Variants in VAX1 observed in about 807,000 individuals in gnomAD.
VAX1 encodes ventral anterior homeobox 1.
Under a neutral mutation model 17.6 loss-of-function variants are expected in VAX1, and 6 were observed. That is an observed-to-expected ratio of 0.34 (90% CI 0.19 to 0.67). VAX1 has a LOEUF of 0.67. VAX1 is among the 30% of genes least tolerant of loss of function. The pLI, the probability that VAX1 is intolerant of heterozygous loss-of-function variation, is 0.69. For missense variants in VAX1, 408 were observed against 463.7 expected, an observed-to-expected ratio of 0.88 and a Z score of 1.10; for synonymous variants, 256 against 227.4, an observed-to-expected ratio of 1.13 and a Z score of -1.13.
chr10:117,131,588 G>T (rs1854085322), downstream of VAX1: 1 of 152,402 alleles, frequency 6.6e-6, no homozygotes, highest in African/African-American at 2.4e-5. Context: ...GCGGGTCCCT[G>T]CAACACCCAG....
Position 117,133,901 on chromosome 10 carries a change from T to A in VAX1, c.*107A>T, listed in dbSNP as rs1854126399. 2 of 1,413,384 alleles carry A rather than the reference T, an allele frequency of 1.4e-6. No homozygotes were observed. The highest frequency in any genetic ancestry group is 1.8e-6 in the Non-Finnish European group (2 of 1,090,568). 87.6% of individuals were successfully genotyped at this position (1,413,384 alleles called of 1,614,324 possible). On this transcript the variant is annotated 3_prime_UTR_variant, in exon 3 of 3. Transcript: ENST00000369206. Reference sequence around the variant, plus strand: ...GAAAGGAGAGCTGTCAGAGGCCTGGTGGGAGCCAGGAGCCCAGCGCAGGAG... The same window carrying A: ...GAAAGGAGAGCTGTCAGAGGCCTGGAGGGAGCCAGGAGCCCAGCGCAGGAG...
chr10:117,134,110 C>T lies in VAX1; in HGVS notation c.903G>A (p.Gly301=), dbSNP rs926687988. Residue 301 remains glycine, a synonymous_variant, in exon 3 of 3, where the codon GGG becomes GGA. Coordinates refer to ENST00000369206, the MANE Select transcript of VAX1 (RefSeq NM_001112704.2). The surrounding 1 kb of genome is among the most constrained non-coding windows in gnomAD (Gnocchi z 6.2). ...APLTMAGSLA[G]NLQELSARYL... is the part of the protein sequence containing the mutation. ...ATCGGGCGGAGAGTTCTTGCAAATT[C>T]CCAGCTAGCGAACCAGCCATTGTTA... 1.3e-6 allele frequency: 2 copies of T among 1,536,784 alleles called. No individual in the cohort carries two copies. The highest frequency in any genetic ancestry group is 1.8e-6 in the Non-Finnish European group (2 of 1,140,692).
At chr10:117,132,313 A>G, downstream of VAX1, 1 of 1,613,960 alleles carries the variant, frequency 6.2e-7, no homozygotes, top group South Asian at 1.1e-5. This position sits in a 1 kb window ranked among gnomAD's most constrained non-coding sequence, Gnocchi z 4.9. Flanking sequence ...CTTCAAATAT[A>G]AGACAAAAAT....
chr10:117,133,552 T>C lies in VAX1; in HGVS notation c.*456A>G. ...AGGAAGGAACGTCCTCCTTTTTTGG[T>C]CTAAAGAAACCTGGAAGCCCCTGGG... On this transcript the variant is annotated 3_prime_UTR_variant, in exon 3 of 3. Transcript: ENST00000369206. 1.0e-6 allele frequency: 1 copy of C among 985,752 alleles called. No homozygotes were observed. The highest frequency in any genetic ancestry group is 1.2e-6 in the Non-Finnish European group (1 of 830,198). 61.1% of individuals were successfully genotyped at this position (985,752 alleles called of 1,614,324 possible).
chr10:117,134,460 C>T lies in VAX1; in HGVS notation c.553G>A (p.Gly185Ser). 6.6e-7 allele frequency: 1 copy of T among 1,516,876 alleles called. No homozygotes were observed. 94.0% of individuals were successfully genotyped at this position (1,516,876 alleles called of 1,614,324 possible). The change falls in exon 3 of 3, where the codon GGC becomes AGC. Residue 185 changes from glycine (G) to serine (S), a missense_variant. This residue lies in a region of VAX1 where 196 missense variants were observed against 218.7 expected (regional missense o/e 0.90). Transcript: ENST00000369206. The surrounding 1 kb of genome is among the most constrained non-coding windows in gnomAD (Gnocchi z 6.2). ...TCSVLRLLEQ[G>S]RLLSPPGLPA... ...AGGCCGGGCGGCGACAACAGGCGGCCCTGCTCCAGCAGCCGTAGCACGCTG... is the reference window on the plus strand; with the variant it reads ...AGGCCGGGCGGCGACAACAGGCGGCTCTGCTCCAGCAGCCGTAGCACGCTG...
At chr10:117,132,596 G>T (rs1319112126), downstream of VAX1, 3 of 1,188,020 alleles carry the variant, frequency 2.5e-6, no homozygotes, top group East Asian at 7.5e-5. The surrounding 1 kb of genome is among the most constrained non-coding windows in gnomAD (Gnocchi z 4.9). Context: ...ATACATTCTA[G>T]ACACTGCGGC....
In VAX1 at chr10:117,134,751, C is replaced by A. The variant is rs1298363092; in HGVS notation, c.430-168G>T. Among the ~76,000 whole-genome samples, 1 of 152,046 alleles carries A rather than the reference C, an allele frequency of 6.6e-6. No homozygotes were observed. The highest frequency in any genetic ancestry group is 2.4e-5 in the African/African-American group (1 of 41,430). On this transcript the variant is annotated intron_variant, in intron 2 of 2. Transcript: ENST00000369206. The surrounding 1 kb of genome is among the most constrained non-coding windows in gnomAD (Gnocchi z 6.2). Reference sequence around the variant, plus strand: ...CCGGGCCGGGGCGCTGCTGGGGGAGCTGGCGCCGCCACGAGGGGGACACAG... The same window carrying A: ...CCGGGCCGGGGCGCTGCTGGGGGAGATGGCGCCGCCACGAGGGGGACACAG...
Position 117,133,974 on chromosome 10 carries a change from T to C in VAX1, c.*34A>G. 4 of 1,487,662 alleles carry C rather than the reference T, an allele frequency of 2.7e-6. No homozygotes were observed. Among genetic ancestry groups the C allele is most frequent in the Non-Finnish European group, 3.6e-6 (4 of 1,123,264 alleles). The allele number at this position is 1,487,662 out of a possible 1,614,324, so 92.2% of individuals were successfully genotyped here. The stretch of plus-strand genomic sequence containing the variant: ...AGTCCATAAATATCACCACAATAGA[T>C]ACTATAAATATAAATACAGGGAAAC... On this transcript the variant is annotated 3_prime_UTR_variant, in exon 3 of 3. Transcript: ENST00000369206.
downstream of VAX1, chr10:117,132,284 CTTCTT>C (rs866858867): frequency 2.5e-6 from 4 of 1,613,926 alleles, no homozygotes; most frequent in African/African-American, 5.3e-5. This position sits in a 1 kb window ranked among gnomAD's most constrained non-coding sequence, Gnocchi z 4.9. Flanking sequence ...TCTTCCTTTT[CTTCTT>C]TTGTTTTTTT....
Position 117,133,505 on chromosome 10 carries a change from A to C in VAX1, c.*503T>G. ...CAAAGCGGGGCCCAGGGGCTCCCAC[A>C]AGCCCTGGTTTCCCTGGCAAGAGGA... On this transcript the variant is annotated 3_prime_UTR_variant, in exon 3 of 3. Coordinates refer to ENST00000369206, the MANE Select transcript of VAX1 (RefSeq NM_001112704.2). The C allele has an allele frequency of 1.0e-6, 1 of 985,588 alleles. No individual in the cohort carries two copies. The highest frequency in any genetic ancestry group is 1.2e-6 in the Non-Finnish European group (1 of 830,086). 61.1% of individuals were successfully genotyped at this position (985,588 alleles called of 1,614,324 possible).
Position 117,137,893 on chromosome 10 carries a change from C to G in VAX1, c.164G>C (p.Gly55Ala). The change falls in exon 1 of 3, where the codon GGC becomes GCC. Residue 55 changes from glycine to alanine, a missense_variant. Gly to Ala is a moderately conservative substitution (Grantham distance 60). Coordinates refer to ENST00000369206, the MANE Select transcript of VAX1 (RefSeq NM_001112704.2). This position sits in a 1 kb window ranked among gnomAD's most constrained non-coding sequence, Gnocchi z 7.4. ...ACTTTTGTTACAATCCTCAGCAGCG[C>G]CCGACGCTGAGAAGGCGCCCTGCGG... The part of the protein sequence containing the change: ...KEPQGAFSAS[G>A]AAEDCNKSKS... 1 of 1,613,860 alleles carries G rather than the reference C, an allele frequency of 6.2e-7. No homozygotes were observed. Among genetic ancestry groups the G allele is most frequent in the South Asian group, 1.1e-5 (1 of 91,084 alleles).
Position 117,133,804 on chromosome 10 carries a change from G to T in VAX1, c.*204C>A. The T allele has an allele frequency of 7.6e-7, 1 of 1,322,938 alleles. No individual in the cohort carries two copies. The highest frequency in any genetic ancestry group is 2.1e-5 in the South Asian group (1 of 47,952). The allele number at this position is 1,322,938 out of a possible 1,614,324, so 81.9% of individuals were successfully genotyped here. A position where few individuals can be genotyped will look rare whatever the true frequency, so the allele number is the denominator to read the frequency against. Reference sequence around the variant, plus strand: ...CAGAAGGAAGTTGGGGGTTGGGGAGGAATCTCAGAGGAAAGGTAGTAGAAA... The same window carrying T: ...CAGAAGGAAGTTGGGGGTTGGGGAGTAATCTCAGAGGAAAGGTAGTAGAAA... On this transcript the variant is annotated 3_prime_UTR_variant, in exon 3 of 3. Coordinates refer to ENST00000369206, the MANE Select transcript of VAX1 (RefSeq NM_001112704.2).
Position 117,133,574 on chromosome 10 carries a change from T to TG in VAX1, c.*433dup. On this transcript the variant is annotated 3_prime_UTR_variant, in exon 3 of 3. Transcript: ENST00000369206. ...TGGTCTAAAGAAACCTGGAAGCCCC[T>TG]GGGGTCTGCGCGCAGTTTTCCTCTT... is the stretch of plus-strand genomic sequence containing the variant. 1 of 987,050 alleles carries TG rather than the reference T, an allele frequency of 1.0e-6. No homozygotes were observed. The highest frequency in any genetic ancestry group is 1.2e-6 in the Non-Finnish European group (1 of 831,112). 61.1% of individuals were successfully genotyped at this position (987,050 alleles called of 1,614,324 possible).
chr10:117,134,178 A>T lies in VAX1; in HGVS notation c.835T>A (p.Ser279Thr). Residue 279 changes from serine (S) to threonine (T), a missense_variant, in exon 3 of 3, where the codon TCG becomes ACG. Ser to Thr is a moderately conservative substitution (Grantham distance 58). Coordinates refer to ENST00000369206, the MANE Select transcript of VAX1 (RefSeq NM_001112704.2). The surrounding 1 kb of genome is among the most constrained non-coding windows in gnomAD (Gnocchi z 6.2). ...GHSLFSLPVPSLLGSVASRLS... is the reference protein window; with the variant it reads ...GHSLFSLPVPTLLGSVASRLS... ...CGGCTGGCGACGGAGCCGAGCAGCG[A>T]GGGCACCGGCAGGCTGAAGAGGCTG... is the stretch of plus-strand genomic sequence containing the variant. The T allele has an allele frequency of 2.6e-6, 4 of 1,520,742 alleles. No homozygotes were observed. Among genetic ancestry groups the T allele is most frequent in the Non-Finnish European group, 3.5e-6 (4 of 1,134,514 alleles). The allele number at this position is 1,520,742 out of a possible 1,614,324, so 94.2% of individuals were successfully genotyped here.
chr10:117,131,745 C>A, downstream of VAX1: 1 of 155,826 alleles, frequency 6.4e-6, no homozygotes, highest in Non-Finnish European at 1.4e-5. Flanking sequence ...ACGTCTACAC[C>A]CGTCACCACC....
chr10:117,129,461 T>C (rs1231020181), downstream of VAX1: 1 of 152,654 alleles, frequency 6.6e-6, no homozygotes, highest in Non-Finnish European at 1.5e-5. Context: ...AGAAGAGATA[T>C]ATGATTTCTA....
chr10:117,128,763 T>G (rs1214926559), downstream of VAX1: 2 of 152,220 alleles, frequency 1.3e-5, no homozygotes, highest in African/African-American at 4.8e-5. Flanking sequence ...TCATGTCTCT[T>G]CAAACAGAAG....
Position 117,138,138 on chromosome 10 carries a change from A to T in VAX1, c.-82T>A, listed in dbSNP as rs1854224659. The T allele has an allele frequency of 8.4e-7, 1 of 1,187,376 alleles. No homozygotes were observed. The highest frequency in any genetic ancestry group is 1.4e-5 in the South Asian group (1 of 73,760). The allele number at this position is 1,187,376 out of a possible 1,614,324, so 73.6% of individuals were successfully genotyped here. On this transcript the variant is annotated 5_prime_UTR_variant, in exon 1 of 3. Coordinates refer to ENST00000369206, the MANE Select transcript of VAX1 (RefSeq NM_001112704.2). ...GGGGGGGGCGGAGAAGGAAAAAAAA[A>T]AGAGGAAAAAGGGGACAAAACCCCC...
At chr10:117,132,272 T>G, downstream of VAX1, 1 of 1,614,034 alleles carries the variant, frequency 6.2e-7, no homozygotes. The surrounding 1 kb of genome is among the most constrained non-coding windows in gnomAD (Gnocchi z 4.9). Context: ...TTGCTGGCTC[T>G]TTCTTCCTTT....
Sources: allele counts gnomAD v4.1 joint callset (sites outside exome capture counted in the v4.1 genomes callset), GRCh38; gene constraint gnomAD v4.1.1; regional missense constraint gnomAD v4.1.1; non-coding constraint Gnocchi (gnomAD v3.1); transcripts MANE v1.5; gene names NCBI Gene and HGNC (gene_info 2026-07-23, HGNC 2026-07-21).